TAF1: variants seen among roughly 807,000 people sequenced by gnomAD.
TAF1 encodes the protein TATA-box binding protein associated factor 1.
Under a neutral mutation model 138.5 loss-of-function variants are expected in TAF1, and 2 were observed. That is an observed-to-expected ratio of 0.01 (90% CI 0.01 to 0.05). The LOEUF is 0.05. Among genes scored for constraint, TAF1 ranks in the 10% least tolerant of loss-of-function variants. TAF1 has a pLI of 1.00. For synonymous variants in TAF1, 437 were observed against 503.2 expected, an observed-to-expected ratio of 0.87 and a Z score of 1.76; for missense variants, 709 against 1,478.0, an observed-to-expected ratio of 0.48 and a Z score of 8.53.
At chrX:71,425,134 T>C (rs2036535865) in intron 32 of TAF1, among the ~76,000 whole-genome samples, 1 of 111,688 alleles carries the variant, frequency 9.0e-6, no homozygotes, top group Non-Finnish European at 1.9e-5. Context: ...AACTCACCTA[T>C]GTCCCAGGCC....
intron 13 of TAF1, among the ~76,000 whole-genome samples, chrX:71,489,117 TTTC>T (rs1421604547): frequency 2.2e-4 from 24 of 109,980 alleles, no homozygotes; most frequent in Non-Finnish European, 4.4e-4. Flanking sequence ...GTTTCTCTCC[TTTC>T]TTTTGTCACT....
chrX:71,462,071 A>G (rs2038571007), intron 37 of TAF1, among the ~76,000 whole-genome samples: 1 of 111,610 alleles, frequency 9.0e-6, no homozygotes, highest in Admixed American at 9.6e-5. Flanking sequence ...TGATTGATCC[A>G]TGTAAGATCT....
chrX:71,430,198 G>A (rs1301918704), intron 32 of TAF1, among the ~76,000 whole-genome samples: 1 of 110,454 alleles, frequency 9.1e-6, no homozygotes, highest in East Asian at 2.8e-4. Context: ...GGCTAACACA[G>A]GTGAAACCCC....
intron 13 of TAF1, among the ~76,000 whole-genome samples, chrX:71,500,546 C>G (rs2039483158): frequency 1.1e-5 from 1 of 94,513 alleles, no homozygotes; most frequent in African/African-American, 4.0e-5. Context: ...CCGCCCCCAC[C>G]CCCCGCTGGC....
intron 3 of TAF1, among the ~76,000 whole-genome samples, chrX:71,369,609 T>C (rs1419030690): frequency 3.9e-5 from 4 of 103,525 alleles, no homozygotes; most frequent in Admixed American, 1.0e-4. Flanking sequence ...GTGTTTCTTT[T>C]TTTTTTTTTT....
intron 32 of TAF1, among the ~76,000 whole-genome samples, chrX:71,439,847 G>GC (rs1208229626): frequency 8.9e-6 from 1 of 111,907 alleles, no homozygotes; most frequent in Non-Finnish European, 1.9e-5. Context: ...TTCTCACTCA[G>GC]CTTCCTTCAA....
intron 28 of TAF1, among the ~76,000 whole-genome samples, chrX:71,409,924 GCT>G (rs755648517): frequency 6.8e-4 from 73 of 106,948 alleles, no homozygotes; most frequent in African/African-American, 2.1e-3. Context: ...ATGGAATCTT[GCT>G]CTGTCGCCCA....
At position 71,407,990 on chromosome X, in the gene TAF1, C is replaced by T. The variant is rs766337255; in HGVS notation, c.4223C>T (p.Thr1408Ile). Residue 1408 changes from threonine (T) to isoleucine (I), a missense_variant, in exon 28 of 38, where the codon ACT (threonine) becomes ATT (isoleucine). Around this residue, in one of 14 missense-constraint regions of TAF1, gnomAD observed 63 missense variants for 163.3 expected, o/e 0.39. Coordinates refer to ENST00000423759, the MANE Select transcript of TAF1 (RefSeq NM_004606.5). ...RDLPNTYPFH[T>I]PVNAKVVKDY... ...TGTTTGCAGACATACCCTTTCCACA[C>T]TCCAGTCAATGCAAAGGTTGTAAAG... is the stretch of plus-strand genomic sequence containing the variant. 5.0e-6 allele frequency: 6 copies of T among 1,210,737 alleles called. No homozygotes were observed. Among genetic ancestry groups the T allele is most frequent in the Middle Eastern group, 4.6e-4 (2 of 4,324 alleles).
intron 13 of TAF1, among the ~76,000 whole-genome samples, chrX:71,506,873 A>G (rs1279288481): frequency 1.8e-5 from 2 of 112,363 alleles, no homozygotes; most frequent in Admixed American, 1.9e-4. Context: ...GATGAATGGC[A>G]TATCCTATAG....
chrX:71,409,030 G>A (rs1311235808), intron 28 of TAF1, among the ~76,000 whole-genome samples: 1 of 107,485 alleles, frequency 9.3e-6, no homozygotes, highest in African/African-American at 3.4e-5. Context: ...AAAAAAAAAA[G>A]AGAGAGAGAC....
chrX:71,503,276 AAAT>A (rs1456611529), intron 13 of TAF1, among the ~76,000 whole-genome samples: 5 of 89,396 alleles, frequency 5.6e-5, no homozygotes, highest in African/African-American at 2.4e-4. Flanking sequence ...CTCAAAAAAA[AAAT>A]ATATATATAT....
At chrX:71,390,918 C>T (rs1281921379) in intron 18 of TAF1, among the ~76,000 whole-genome samples, 1 of 109,966 alleles carries the variant, frequency 9.1e-6, no homozygotes, top group African/African-American at 3.3e-5. Flanking sequence ...TCACTTGAAC[C>T]TGGGAGGTGG....
intron 6 of TAF1, 131 bp downstream of exon 6, chrX:71,377,952 A>T: frequency 1.2e-6 from 1 of 837,278 alleles, no homozygotes; most frequent in South Asian, 2.8e-5. Flanking sequence ...TTCAATGAGT[A>T]ATCATGGGTT....
At chrX:71,504,020 G>A (rs751240296) in intron 13 of TAF1, among the ~76,000 whole-genome samples, 1 of 110,887 alleles carries the variant, frequency 9.0e-6, no homozygotes. Context: ...GATTATCCTT[G>A]ATAATCTGGG....
In TAF1 at chrX:71,527,418, T is replaced by C. The variant is rs565675022; in HGVS notation, c.1367-1124T>C. Among the ~76,000 whole-genome samples the C allele has an allele frequency of 1.5e-4, 17 of 109,678 alleles. No homozygotes were observed. The South Asian group carries it at 6.6e-3, about 43-fold the overall frequency. On this transcript the variant is annotated intron_variant and NMD_transcript_variant, in intron 13 of 14. Transcript: ENST00000373775. ...AAAAAAAAAAAAGAAAAGAAAAATTTCATTCAACTTTACTTTACTTGGGAT... is the reference window on the plus strand; with the variant it reads ...AAAAAAAAAAAAGAAAAGAAAAATTCCATTCAACTTTACTTTACTTGGGAT...
intron 26 of TAF1, among the ~76,000 whole-genome samples, chrX:71,407,209 G>A (rs929710067): frequency 6.8e-5 from 7 of 103,312 alleles, no homozygotes; most frequent in South Asian, 4.4e-4. Flanking sequence ...CACCGTGCTC[G>A]GCAGATTTTT....
rs1039513272 is a variant in TAF1 at position 71,397,544 on chromosome X, G to T, written c.3620+78G>T. 6 of 1,110,018 alleles carry T rather than the reference G, an allele frequency of 5.4e-6. No individual in the cohort carries two copies. The African/African-American group carries it at 5.5e-5, about 10-fold the overall frequency. The allele number at this position is 1,110,018 out of a possible 1,213,427, so 91.5% of individuals were successfully genotyped here. A position where few individuals can be genotyped will look rare whatever the true frequency, so the allele number is the denominator to read the frequency against. ...TGCGGCCCAGGTGGAGTGCAGCGGC[G>T]TGATCTTGGCTCATTGCAACCTCCA... On this transcript the variant is annotated intron_variant, in intron 23 of 37. Transcript: ENST00000423759.
At chrX:71,394,363 G>GAA in intron 22 of TAF1, 118 bp downstream of exon 22, 1 of 931,091 alleles carries the variant, frequency 1.1e-6, no homozygotes, top group Non-Finnish European at 1.4e-6. Flanking sequence ...GATGCATGTA[G>GAA]AAAAGTCTGT....
intron 13 of TAF1, among the ~76,000 whole-genome samples, chrX:71,503,322 G>GTGTATATATATATATA (rs2039554781): frequency 1.3e-5 from 1 of 78,098 alleles, no homozygotes; most frequent in African/African-American, 6.3e-5. Context: ...ATATATATAT[G>GTGTATATATATATATA]TGTGTGTATA....
Sources: allele counts gnomAD v4.1 joint callset (sites outside exome capture counted in the v4.1 genomes callset), GRCh38; gene constraint gnomAD v4.1.1; regional missense constraint gnomAD v4.1.1; transcripts MANE v1.5; gene names NCBI Gene and HGNC (gene_info 2026-07-23, HGNC 2026-07-21).